Variants in JPH1 observed in about 807,000 individuals in gnomAD.
JPH1 encodes junctophilin 1.
JPH1 carries 12 observed loss-of-function variants against 53.6 expected under a neutral mutation model. That is an observed-to-expected ratio of 0.22 (90% CI 0.14 to 0.36). The LOEUF (loss-of-function observed/expected upper bound fraction) is 0.36, where lower values mean the gene tolerates loss of function less well. Among genes scored for constraint, JPH1 ranks in the 10% least tolerant of loss-of-function variants. JPH1 has a pLI of 1.00. For missense variants in JPH1, 808 were observed against 905.5 expected, an observed-to-expected ratio of 0.89 and a Z score of 1.38; for synonymous variants, 375 against 363.8, an observed-to-expected ratio of 1.03 and a Z score of -0.35.
At chr8:74,251,775 C>T (rs142522487) in intron 3 of JPH1, among the ~76,000 whole-genome samples, 2,868 of 152,078 alleles carry the variant, frequency 0.019, 74 homozygotes, top group African/African-American at 0.059. Context: ...CAATGCCATC[C>T]CCATCAAGCT....
intron 2 of JPH1, among the ~76,000 whole-genome samples, chr8:74,265,671 C>T (rs752635449): frequency 1.3e-5 from 2 of 152,034 alleles, no homozygotes; most frequent in African/African-American, 2.4e-5. Flanking sequence ...CTCTTTAAAA[C>T]GTAATCACTG....
At chr8:74,288,874 T>C (rs545229727) in intron 2 of JPH1, among the ~76,000 whole-genome samples, 1 of 152,362 alleles carries the variant, frequency 6.6e-6, no homozygotes, top group East Asian at 1.9e-4. Context: ...TTGAATAACC[T>C]TTTGTTTGCA....
rs994990502 is a variant in JPH1, at chr8:74,236,318, T to G, written c.*733A>C. On this transcript the variant is annotated 3_prime_UTR_variant, in exon 6 of 6. Coordinates refer to ENST00000342232, the MANE Select transcript of JPH1 (RefSeq NM_020647.4). ...TTTTCACTAGCATTTTGTTGTTTCTTTTCCTTGAGATGCAACACGTGTGTT... is the reference window on the plus strand; with the variant it reads ...TTTTCACTAGCATTTTGTTGTTTCTGTTCCTTGAGATGCAACACGTGTGTT... The G allele has an allele frequency of 1.3e-5, 2 of 152,304 alleles. No individual in the cohort carries two copies. The highest frequency in any genetic ancestry group is 6.5e-5 in the Admixed American group (1 of 15,276). 9.4% of individuals were successfully genotyped at this position (152,304 alleles called of 1,614,324 possible). A position where few individuals can be genotyped will look rare whatever the true frequency, so the allele number is the denominator to read the frequency against.
chr8:74,253,691 T>TA lies in JPH1; in HGVS notation c.1258+5693dup, dbSNP rs1230609845. On this transcript the variant is annotated intron_variant, in intron 3 of 5. Coordinates refer to ENST00000342232, the MANE Select transcript of JPH1 (RefSeq NM_020647.4). ...AGAGAGAAGAATCAAATAGACGCAA[T>TA]AAAAAATGACAAAGGGGATATTACC... Among the ~76,000 whole-genome samples the TA allele has an allele frequency of 1.1e-4, 16 of 151,840 alleles. No individual in the cohort carries two copies. The East Asian group carries it at 3.1e-3, about 29-fold the overall frequency.
At chr8:74,255,309 T>C (rs1806186558) in intron 3 of JPH1, among the ~76,000 whole-genome samples, 1 of 152,068 alleles carries the variant, frequency 6.6e-6, no homozygotes, top group East Asian at 1.9e-4. Flanking sequence ...ATTCCCTATT[T>C]AATAAATGGT....
chr8:74,256,427 G>C (rs1470637971), intron 3 of JPH1, among the ~76,000 whole-genome samples: 1 of 151,674 alleles, frequency 6.6e-6, no homozygotes. Context: ...AGCATTAGGA[G>C]ATATACCTAA....
chr8:74,281,671 T>C (rs67041181), intron 2 of JPH1, among the ~76,000 whole-genome samples: 10,481 of 152,286 alleles, frequency 0.069, 552 homozygotes, highest in Non-Finnish European at 0.1. Context: ...TCCAGATTCA[T>C]TCTCATCTGT....
intron 2 of JPH1, among the ~76,000 whole-genome samples, chr8:74,275,785 T>C (rs575489803): frequency 6.6e-6 from 1 of 152,246 alleles, no homozygotes; most frequent in East Asian, 1.9e-4. Flanking sequence ...CAGTTTTTCT[T>C]CACAGAACAA....
At chr8:74,300,151 C>T (rs539418648) in intron 2 of JPH1, among the ~76,000 whole-genome samples, 153 of 152,240 alleles carry the variant, frequency 1.0e-3, no homozygotes, top group African/African-American at 3.0e-3. Context: ...TGAAAAACAA[C>T]AAAAACAAAA....
At chr8:74,271,135 T>C (rs1806686463) in intron 2 of JPH1, among the ~76,000 whole-genome samples, 1 of 149,766 alleles carries the variant, frequency 6.7e-6, no homozygotes, top group South Asian at 2.1e-4. Context: ...TAGGACGTCA[T>C]TTCCACGAGG....
intron 2 of JPH1, among the ~76,000 whole-genome samples, chr8:74,280,362 G>T (rs1806976302): frequency 6.6e-6 from 1 of 152,174 alleles, no homozygotes; most frequent in South Asian, 2.1e-4. Context: ...GGGGGACTTT[G>T]CCATCCTCAT....
chr8:74,251,240 G>T (rs1164122285), intron 3 of JPH1, among the ~76,000 whole-genome samples: 3 of 152,220 alleles, frequency 2.0e-5, no homozygotes, highest in Non-Finnish European at 2.9e-5. Flanking sequence ...GCCAATTTTT[G>T]CCTCTGTGAC....
chr8:74,279,077 G>T (rs1356223831), intron 2 of JPH1, among the ~76,000 whole-genome samples: 1 of 152,096 alleles, frequency 6.6e-6, no homozygotes, highest in Non-Finnish European at 1.5e-5. Context: ...TTCCACTCTG[G>T]AAACACTGGT....
Position 74,236,416 on chromosome 8 carries a change from C to T in JPH1, c.*635G>A, listed in dbSNP as rs913298020. On this transcript the variant is annotated 3_prime_UTR_variant, in exon 6 of 6. Coordinates refer to ENST00000342232, the MANE Select transcript of JPH1 (RefSeq NM_020647.4). ...AATAAACAGCAAAAATGAACAGAGT[C>T]GTGCACAAGCAAACGAAACGTTCTC... is the stretch of plus-strand genomic sequence containing the variant. The T allele has an allele frequency of 3.9e-5, 6 of 152,500 alleles. No individual in the cohort carries two copies. The highest frequency in any genetic ancestry group is 6.5e-5 in the Admixed American group (1 of 15,274). 9.4% of individuals were successfully genotyped at this position (152,500 alleles called of 1,614,324 possible). A position where few individuals can be genotyped will look rare whatever the true frequency, so the allele number is the denominator to read the frequency against.
intron 3 of JPH1, among the ~76,000 whole-genome samples, chr8:74,258,083 G>A (rs1806290147): frequency 6.6e-6 from 1 of 152,060 alleles, no homozygotes; most frequent in African/African-American, 2.4e-5. Flanking sequence ...TCGTTCGTTA[G>A]GACTCAGTGA....
chr8:74,271,024 T>G (rs1211411787), intron 2 of JPH1, among the ~76,000 whole-genome samples: 2 of 152,200 alleles, frequency 1.3e-5, no homozygotes, highest in African/African-American at 2.4e-5. Flanking sequence ...TGAATGGAAC[T>G]ACTCCTCACC....
rs550951772 is a variant in JPH1, at chr8:74,315,773, C to A, written c.380-153G>T. Among the ~76,000 whole-genome samples the A allele has an allele frequency of 1.3e-5, 2 of 152,336 alleles. No homozygotes were observed. Among genetic ancestry groups the A allele is most frequent in the African/African-American group, 4.8e-5 (2 of 41,578 alleles). On this transcript the variant is annotated intron_variant, in intron 1 of 5. Coordinates refer to ENST00000342232, the MANE Select transcript of JPH1 (RefSeq NM_020647.4). The surrounding 1 kb of genome is among the most constrained non-coding windows in gnomAD (Gnocchi z 6.3). ...GGATACTTTGCATCCACTTGTGAATCCCCGCCCTGTAATTTTGGGTGTAAG... is the reference window on the plus strand; with the variant it reads ...GGATACTTTGCATCCACTTGTGAATACCCGCCCTGTAATTTTGGGTGTAAG...
chr8:74,248,019 T>C (rs1159852209), intron 3 of JPH1, among the ~76,000 whole-genome samples: 2 of 152,208 alleles, frequency 1.3e-5, no homozygotes. Flanking sequence ...TTGGATTCCA[T>C]TGAAAGTATT....
At chr8:74,267,877 T>C (rs1216100610) in intron 2 of JPH1, among the ~76,000 whole-genome samples, 2 of 152,164 alleles carry the variant, frequency 1.3e-5, no homozygotes, top group East Asian at 3.9e-4. Flanking sequence ...AGTTAAGTGC[T>C]GGATGAGCGA....
Sources: allele counts gnomAD v4.1 joint callset (sites outside exome capture counted in the v4.1 genomes callset), GRCh38; gene constraint gnomAD v4.1.1; non-coding constraint Gnocchi (gnomAD v3.1); transcripts MANE v1.5; gene names NCBI Gene and HGNC (gene_info 2026-07-23, HGNC 2026-07-21).